CCDC171: variants seen among roughly 807,000 people sequenced by gnomAD.
CCDC171 encodes the protein coiled-coil domain containing 171.
CCDC171 carries 177 observed loss-of-function variants against 168.2 expected under a neutral mutation model. The observed-to-expected ratio is 1.05, with a 90% CI of 0.93 to 1.19. CCDC171 has a LOEUF of 1.19. CCDC171 is among the 50% of genes most tolerant of loss of function. CCDC171 has a pLI of 0.00. For synonymous variants in CCDC171, 687 were observed against 540.8 expected (o/e 1.27, Z -3.75); for missense variants, 1,991 against 1,539.0 (o/e 1.29, Z -4.91).
intron 24 of CCDC171, among the ~76,000 whole-genome samples, chr9:15,885,282 T>C (rs1467121676): frequency 6.6e-6 from 1 of 152,170 alleles, no homozygotes; most frequent in African/African-American, 2.4e-5. Context: ...GAGTTCTAGG[T>C]GGCCCTAAGT....
chr9:15,788,797 C>T (rs1454200697), intron 21 of CCDC171, among the ~76,000 whole-genome samples: 1 of 152,088 alleles, frequency 6.6e-6, no homozygotes, highest in Non-Finnish European at 1.5e-5. Context: ...AAGCGATCCC[C>T]TTGTCTTGGC....
At chr9:15,727,807 T>G in intron 14 of CCDC171, 62 bp from the exon 15 acceptor site, 1 of 1,294,506 alleles carries the variant, frequency 7.7e-7, no homozygotes, top group Non-Finnish European at 1.1e-6. Context: ...ATTAGTATTA[T>G]GTATTTTACT....
At chr9:15,598,721 A>G (rs375685159) in intron 6 of CCDC171, among the ~76,000 whole-genome samples, 38 of 152,114 alleles carry the variant, frequency 2.5e-4, no homozygotes, top group African/African-American at 8.0e-4. Context: ...TTTCTGTCTC[A>G]TTGATCTGTC....
chr9:15,716,684 A>G (rs1201043353), intron 11 of CCDC171, among the ~76,000 whole-genome samples: 2 of 152,176 alleles, frequency 1.3e-5, no homozygotes, highest in Non-Finnish European at 2.9e-5. Context: ...ATGCTACATC[A>G]TCTCATGGTA....
At chr9:16,075,422 TC>T in the CCDC171 span, among the ~76,000 whole-genome samples, 2 of 152,206 alleles carry the variant, frequency 1.3e-5, no homozygotes, top group African/African-American at 4.8e-5. Context: ...TATTTTAAAA[TC>T]TTGATCTGTC....
At chr9:16,044,696 G>A (rs1329182487) in intron 1 of CCDC171, among the ~76,000 whole-genome samples, 1 of 152,074 alleles carries the variant, frequency 6.6e-6, no homozygotes, top group African/African-American at 2.4e-5. Flanking sequence ...CCACAAAGAG[G>A]AAGTGCACAG....
chr9:16,086,736 A>G, the CCDC171 span, among the ~76,000 whole-genome samples: 1 of 151,758 alleles, frequency 6.6e-6, no homozygotes, highest in East Asian at 1.9e-4. Context: ...GATCTTAGTT[A>G]TTTCTTGTCT....
chr9:15,849,323 G>GTATA (rs2130789630), intron 23 of CCDC171, among the ~76,000 whole-genome samples: 1 of 150,874 alleles, frequency 6.6e-6, no homozygotes, highest in African/African-American at 2.4e-5. Context: ...ATATATATAT[G>GTATA]TATATAGAGA....
At chr9:16,059,668 C>T (rs558800639) in intron 1 of CCDC171, among the ~76,000 whole-genome samples, 1 of 150,462 alleles carries the variant, frequency 6.6e-6, no homozygotes, top group Admixed American at 6.6e-5. Flanking sequence ...GCGCCCGCCA[C>T]CGCGCCCGGC....
At chr9:15,567,840 G>C (rs1365889971) in intron 2 of CCDC171, among the ~76,000 whole-genome samples, 3 of 151,766 alleles carry the variant, frequency 2.0e-5, no homozygotes, top group African/African-American at 7.3e-5. Context: ...TTTTTGTAGA[G>C]ACAAGATCTT....
At chr9:15,621,369 T>G (rs2044491497) in intron 6 of CCDC171, among the ~76,000 whole-genome samples, 1 of 152,230 alleles carries the variant, frequency 6.6e-6, no homozygotes, top group Non-Finnish European at 1.5e-5. Flanking sequence ...TCATTTGCAA[T>G]TTTTTGGAAA....
chr9:15,741,939 T>A (rs1051202652), intron 16 of CCDC171, among the ~76,000 whole-genome samples: 1 of 152,238 alleles, frequency 6.6e-6, no homozygotes, highest in African/African-American at 2.4e-5. Flanking sequence ...TGTATCTACA[T>A]GCACAATTTT....
At chr9:16,032,634 T>G (rs1458680269) in intron 6 of CCDC171, among the ~76,000 whole-genome samples, 1 of 152,168 alleles carries the variant, frequency 6.6e-6, no homozygotes, top group Non-Finnish European at 1.5e-5. Context: ...CTTTGTTTTT[T>G]AGAGACAGGG....
At chr9:15,871,769 T>G (rs1484520487) in intron 23 of CCDC171, among the ~76,000 whole-genome samples, 4 of 151,928 alleles carry the variant, frequency 2.6e-5, no homozygotes, top group African/African-American at 9.7e-5. Flanking sequence ...CTGCATTCTT[T>G]CTGAAGTCTC....
At chr9:16,052,665 C>A (rs1833769501) in intron 1 of CCDC171, among the ~76,000 whole-genome samples, 1 of 152,156 alleles carries the variant, frequency 6.6e-6, no homozygotes, top group Non-Finnish European at 1.5e-5. Flanking sequence ...GGCCCGGGGC[C>A]TTTTGTAGAG....
At chr9:15,681,839 T>A (rs570855073) in intron 10 of CCDC171, among the ~76,000 whole-genome samples, 2 of 152,246 alleles carry the variant, frequency 1.3e-5, no homozygotes, top group Non-Finnish European at 2.9e-5. Flanking sequence ...GAATGACTTA[T>A]GAGGAAGATT....
chr9:15,746,642 G>A (rs545512814), intron 18 of CCDC171, among the ~76,000 whole-genome samples: 1 of 152,296 alleles, frequency 6.6e-6, no homozygotes, highest in South Asian at 2.1e-4. Context: ...TTCCAAGATG[G>A]CCAAATAGGA....
intron 23 of CCDC171, among the ~76,000 whole-genome samples, chr9:15,855,056 G>A (rs2061296427): frequency 6.6e-6 from 1 of 151,594 alleles, no homozygotes; most frequent in African/African-American, 2.4e-5. Flanking sequence ...GTATTCTTTT[G>A]TTAGGTAGAC....
At chr9:15,622,364 C>T (rs910640080) in intron 6 of CCDC171, among the ~76,000 whole-genome samples, 1 of 152,124 alleles carries the variant, frequency 6.6e-6, no homozygotes, top group African/African-American at 2.4e-5. Flanking sequence ...TCACTGTGGA[C>T]TTAGGATGCT....
Sources: allele counts gnomAD v4.1 joint callset (sites outside exome capture counted in the v4.1 genomes callset), GRCh38; gene constraint gnomAD v4.1.1; transcripts MANE v1.5; gene names NCBI Gene and HGNC (gene_info 2026-07-23, HGNC 2026-07-21).